The following GOPC variants were observed in gnomAD, a reference collection of about 807,000 sequenced individuals.
GOPC encodes the protein Golgi-associated PDZ and coiled-coil motif-containing protein.
Under a neutral mutation model 51.2 loss-of-function variants are expected in GOPC, and 32 were observed. The ratio of observed to expected loss-of-function variants is 0.63; its 90% CI spans 0.47 to 0.84. The LOEUF (loss-of-function observed/expected upper bound fraction) is 0.84, where lower values mean the gene tolerates loss of function less well. Ranked by LOEUF, GOPC falls within the 40% of genes least tolerant of loss-of-function variation. GOPC has a pLI of 0.00. For synonymous variants in GOPC, 190 were observed against 205.1 expected (o/e 0.93, Z 0.63); for missense variants, 441 against 555.5 (o/e 0.79, Z 2.07).
At chr6:117,577,560 C>A in intron 2 of GOPC, 89 bp from the exon 3 acceptor site, 1 of 1,009,662 alleles carries the variant, frequency 9.9e-7, no homozygotes. Flanking sequence ...GGAAAAATCC[C>A]ACATGTTGGA....
chr6:117,578,070 G>T (rs1779907974), intron 2 of GOPC, among the ~76,000 whole-genome samples: 1 of 152,056 alleles, frequency 6.6e-6, no homozygotes, highest in Non-Finnish European at 1.5e-5. Flanking sequence ...CAAAATATCT[G>T]CTATCTCTTA....
rs1779582366 is a variant in GOPC at position 117,561,417 on chromosome 6, A to G, written c.*1837T>C. The G allele has an allele frequency of 8.9e-6, 2 of 224,202 alleles. No individual in the cohort carries two copies. Among genetic ancestry groups the G allele is most frequent in the South Asian group, 1.8e-4 (1 of 5,444 alleles). 13.9% of individuals were successfully genotyped at this position (224,202 alleles called of 1,614,324 possible). ...CCATCCCAGGCTGTGTTTTAAGAAG[A>G]TAAGAATAACATGGTTTCATGTCAC... On this transcript the variant is annotated 3_prime_UTR_variant, in exon 9 of 9. Transcript: ENST00000368498.
At chr6:117,583,633 C>T (rs1403029340) in intron 1 of GOPC, among the ~76,000 whole-genome samples, 1 of 152,118 alleles carries the variant, frequency 6.6e-6, no homozygotes, top group East Asian at 1.9e-4. Flanking sequence ...GTCGTCATCG[C>T]TCTCTTTGGT....
intron 5 of GOPC, among the ~76,000 whole-genome samples, chr6:117,572,420 T>G (rs1779819985): frequency 6.6e-6 from 1 of 152,190 alleles, no homozygotes; most frequent in Non-Finnish European, 1.5e-5. Context: ...ATATATCTCC[T>G]TGACTCCAAC....
chr6:117,585,372 T>C (rs539391986), intron 1 of GOPC, among the ~76,000 whole-genome samples: 2 of 152,332 alleles, frequency 1.3e-5, no homozygotes, highest in South Asian at 4.1e-4. Context: ...CCTCATGTTT[T>C]GAAGGAGGAG....
In GOPC at chr6:117,595,776, C is replaced by T. The variant is rs149504685; in HGVS notation, c.285+6228G>A. On this transcript the variant is annotated intron_variant, in intron 1 of 8. Transcript: ENST00000368498. ...TTCCAGGTGTCTGTATATATACACA[C>T]CACATTTTTTTAATCCACTTATTGA... 6.8e-4 allele frequency among the ~76,000 whole-genome samples: 104 copies of T among 152,224 alleles called. 1 individual carries two copies. The highest frequency in any genetic ancestry group is 4.0e-3 in the East Asian group (21 of 5,192).
At chr6:117,591,796 TAG>T (rs1275238126) in intron 1 of GOPC, among the ~76,000 whole-genome samples, 1 of 152,206 alleles carries the variant, frequency 6.6e-6, no homozygotes, top group African/African-American at 2.4e-5. Context: ...ATTTGAATTT[TAG>T]AGAGATACAG....
intron 4 of GOPC, 59 bp from the exon 5 acceptor site, chr6:117,573,691 A>G: frequency 5.0e-6 from 7 of 1,390,698 alleles, no homozygotes; most frequent in Non-Finnish European, 6.8e-6. Context: ...GTGAGAATTC[A>G]GGAAAATTAG....
intron 8 of GOPC, 94 bp downstream of exon 8, chr6:117,566,760 A>G (rs2114603131): frequency 1.4e-6 from 1 of 733,770 alleles, no homozygotes; most frequent in East Asian, 2.8e-5. Context: ...ATTTCCTCAC[A>G]AAACAGTTTT....
At chr6:117,577,524 T>C in intron 2 of GOPC, 53 bp from the exon 3 acceptor site, 1 of 1,414,230 alleles carries the variant, frequency 7.1e-7, no homozygotes, top group African/African-American at 1.4e-5. Flanking sequence ...AACAAATGAT[T>C]TTATTTAGTG....
chr6:117,582,261 T>C (rs1176796002), intron 1 of GOPC, among the ~76,000 whole-genome samples: 5 of 130,980 alleles, frequency 3.8e-5, no homozygotes, highest in Non-Finnish European at 6.3e-5. Context: ...TCCCTCCCTC[T>C]GCCTCCCCCC....
chr6:117,589,163 G>A (rs1267965682), intron 1 of GOPC, among the ~76,000 whole-genome samples: 3 of 152,174 alleles, frequency 2.0e-5, no homozygotes, highest in Non-Finnish European at 4.4e-5. Context: ...CACAGGCTGC[G>A]GGTTAGACAA....
Position 117,602,331 on chromosome 6 carries a change from G to A in GOPC, c.-43C>T. 3 of 1,510,278 alleles carry A rather than the reference G, an allele frequency of 2.0e-6. No homozygotes were observed. The African/African-American group carries it at 4.2e-5, about 21-fold the overall frequency. 93.6% of individuals were successfully genotyped at this position (1,510,278 alleles called of 1,614,324 possible). A position where few individuals can be genotyped will look rare whatever the true frequency, so the allele number is the denominator to read the frequency against. ...CTCCCGACTGCTGAAGACCCTCGCCGCCCCCCGCGCACGAAGGGAACTGCT... is the reference window on the plus strand; with the variant it reads ...CTCCCGACTGCTGAAGACCCTCGCCACCCCCCGCGCACGAAGGGAACTGCT... On this transcript the variant is annotated 5_prime_UTR_variant, in exon 1 of 9. Transcript: ENST00000368498.
At chr6:117,574,156 T>G (rs975001322) in intron 4 of GOPC, among the ~76,000 whole-genome samples, 5 of 151,802 alleles carry the variant, frequency 3.3e-5, no homozygotes, top group African/African-American at 1.2e-4. Flanking sequence ...AAGGCTGAGG[T>G]GGGAGGATCA....
At chr6:117,566,090 G>T (rs1779690941) in intron 8 of GOPC, among the ~76,000 whole-genome samples, 1 of 152,154 alleles carries the variant, frequency 6.6e-6, no homozygotes, top group Non-Finnish European at 1.5e-5. Flanking sequence ...TGGCAAGGAA[G>T]AAAACAATGA....
intron 1 of GOPC, among the ~76,000 whole-genome samples, chr6:117,598,027 G>A (rs1780225876): frequency 6.6e-6 from 1 of 151,958 alleles, no homozygotes; most frequent in Admixed American, 6.6e-5. Context: ...GGCACAGAAA[G>A]ATACATAATG....
chr6:117,571,264 CA>C (rs1562139852), intron 5 of GOPC, among the ~76,000 whole-genome samples: 1 of 152,190 alleles, frequency 6.6e-6, no homozygotes, highest in South Asian at 2.1e-4. Context: ...CAAATATCCT[CA>C]AAAAATAAAA....
chr6:117,571,193 C>A (rs371649049), intron 5 of GOPC, among the ~76,000 whole-genome samples: 1 of 152,074 alleles, frequency 6.6e-6, no homozygotes, highest in Non-Finnish European at 1.5e-5. Context: ...AATATTGATA[C>A]ATCTCTTTTT....
At chr6:117,586,475 CTTTTTTTTT>C (rs869148559) in intron 1 of GOPC, among the ~76,000 whole-genome samples, 4 of 91,928 alleles carry the variant, frequency 4.4e-5, no homozygotes, top group Admixed American at 2.4e-4. Context: ...CACAGAGATT[CTTTTTTTTT>C]TTTTTTTTTT....
Sources: allele counts gnomAD v4.1 joint callset (sites outside exome capture counted in the v4.1 genomes callset), GRCh38; gene constraint gnomAD v4.1.1; transcripts MANE v1.5; gene names NCBI Gene and HGNC (gene_info 2026-07-23, HGNC 2026-07-21).